The following DLG2 variants were observed in gnomAD, a reference collection of about 807,000 sequenced individuals.
DLG2 encodes the protein disks large homolog 2.
DLG2 carries 45 observed loss-of-function variants against 132.5 expected under a neutral mutation model. That is an observed-to-expected ratio of 0.34 (90% confidence interval 0.27 to 0.44). DLG2 has a LOEUF of 0.44. DLG2 is among the 20% of genes least tolerant of loss of function. The pLI is 1.00. For synonymous variants in DLG2, 424 were observed against 419.6 expected, an observed-to-expected ratio of 1.01 and a Z score of -0.13; for missense variants, 1,045 against 1,196.9, an observed-to-expected ratio of 0.87 and a Z score of 1.87.
chr11:84,551,966 G>T (rs912887742), intron 6 of DLG2, among the ~76,000 whole-genome samples: 2 of 152,086 alleles, frequency 1.3e-5, no homozygotes, highest in Non-Finnish European at 2.9e-5. Flanking sequence ...TCCAGAGTGG[G>T]GTCCATCTAA....
chr11:85,540,874 T>C (rs1358871200), intron 3 of DLG2, among the ~76,000 whole-genome samples: 1 of 152,234 alleles, frequency 6.6e-6, no homozygotes, highest in Non-Finnish European at 1.5e-5. Context: ...CACATCCCTG[T>C]TGCACGCCCT....
chr11:85,085,224 C>G (rs1315657408), intron 6 of DLG2, among the ~76,000 whole-genome samples: 5 of 152,104 alleles, frequency 3.3e-5, no homozygotes, highest in Non-Finnish European at 7.4e-5. Context: ...ACTTGGACTG[C>G]CATCAATCCA....
intron 7 of DLG2, among the ~76,000 whole-genome samples, chr11:84,486,672 G>A (rs775676605): frequency 6.6e-6 from 1 of 152,090 alleles, no homozygotes; most frequent in African/African-American, 2.4e-5. Context: ...AAAGTCCTAT[G>A]AATGTTCTTG....
chr11:84,150,220 C>A (rs1010796833), intron 9 of DLG2, among the ~76,000 whole-genome samples: 1 of 152,158 alleles, frequency 6.6e-6, no homozygotes, highest in Non-Finnish European at 1.5e-5. Context: ...TTGTTTGTGT[C>A]ATCTCTGATT....
intron 7 of DLG2, among the ~76,000 whole-genome samples, chr11:84,390,905 A>G (rs1471570964): frequency 6.6e-6 from 1 of 152,160 alleles, no homozygotes; most frequent in African/African-American, 2.4e-5. Context: ...TCTTGTAATG[A>G]TACCATCTGA....
At position 83,664,414 on chromosome 11, in the gene DLG2, C is replaced by T. The variant is rs117110812; in HGVS notation, c.1826-31089G>A. The stretch of plus-strand genomic sequence containing the variant: ...TGGTAGAGAGTGGGTAGAGCAGAAT[C>T]GTCAAACCTCACTTTTTTTTTTTTT... On this transcript the variant is annotated intron_variant, in intron 18 of 27. Transcript: ENST00000376104. 5.7e-3 allele frequency among the ~76,000 whole-genome samples: 863 copies of T among 150,488 alleles called. 13 individuals carry two copies. The highest frequency in any genetic ancestry group is 0.02 in the Admixed American group (299 of 15,102).
chr11:83,853,914 A>G (rs1171814579), intron 16 of DLG2, among the ~76,000 whole-genome samples: 1 of 152,172 alleles, frequency 6.6e-6, no homozygotes, highest in African/African-American at 2.4e-5. Context: ...TTAAAAGCAT[A>G]CATATTAGGA....
At chr11:84,162,767 C>T (rs1436304232) in intron 9 of DLG2, among the ~76,000 whole-genome samples, 1 of 152,148 alleles carries the variant, frequency 6.6e-6, no homozygotes, top group Non-Finnish European at 1.5e-5. Context: ...AACTTGTTTG[C>T]TCTCATTGTC....
At chr11:84,840,604 A>G (rs753512058) in intron 6 of DLG2, among the ~76,000 whole-genome samples, 1 of 152,166 alleles carries the variant, frequency 6.6e-6, no homozygotes, top group African/African-American at 2.4e-5. Flanking sequence ...ATGTCAATCA[A>G]TAATAGACTG....
chr11:85,254,326 A>T (rs994882372), intron 4 of DLG2, among the ~76,000 whole-genome samples: 3 of 152,286 alleles, frequency 2.0e-5, no homozygotes, highest in African/African-American at 4.8e-5. Flanking sequence ...AGTTTAGAAC[A>T]GGTTACAAAA....
intron 7 of DLG2, among the ~76,000 whole-genome samples, chr11:84,480,174 T>A (rs2099132906): frequency 6.6e-6 from 1 of 152,126 alleles, no homozygotes; most frequent in Non-Finnish European, 1.5e-5. Context: ...GGAAATCTAT[T>A]ATTTTAATTT....
chr11:85,107,798 G>A (rs1451261976), intron 6 of DLG2, among the ~76,000 whole-genome samples: 1 of 151,744 alleles, frequency 6.6e-6, no homozygotes, highest in African/African-American at 2.4e-5. Context: ...CTTTTCACTA[G>A]GGAAGATATT....
At chr11:83,821,200 A>T (rs553353915) in intron 17 of DLG2, among the ~76,000 whole-genome samples, 1 of 152,168 alleles carries the variant, frequency 6.6e-6, no homozygotes, top group Non-Finnish European at 1.5e-5. Context: ...GTTGTTCAGA[A>T]CCTGAGCAGA....
At chr11:84,786,291 C>T (rs1404375689) in intron 6 of DLG2, among the ~76,000 whole-genome samples, 1 of 152,130 alleles carries the variant, frequency 6.6e-6, no homozygotes, top group Non-Finnish European at 1.5e-5. Context: ...CAACTACTCA[C>T]TTGAACACTC....
At chr11:83,818,009 T>C (rs2049564139) in intron 17 of DLG2, among the ~76,000 whole-genome samples, 1 of 152,226 alleles carries the variant, frequency 6.6e-6, no homozygotes, top group Non-Finnish European at 1.5e-5. Context: ...CTCAAACACA[T>C]ACATTCCTAG....
intron 9 of DLG2, among the ~76,000 whole-genome samples, chr11:84,160,021 G>C (rs1167095330): frequency 2.0e-5 from 3 of 152,070 alleles, no homozygotes; most frequent in Admixed American, 6.6e-5. Flanking sequence ...TGAGAAGAGG[G>C]ACTGCAGGGA....
At chr11:84,160,711 A>G (rs1303598417) in intron 9 of DLG2, among the ~76,000 whole-genome samples, 6 of 152,128 alleles carry the variant, frequency 3.9e-5, no homozygotes, top group African/African-American at 1.4e-4. Context: ...GAGAGAGGAG[A>G]TAACTGCAGA....
intron 16 of DLG2, among the ~76,000 whole-genome samples, chr11:83,837,723 C>CAAA (rs386374350): frequency 0.025 from 1,163 of 45,912 alleles, 130 homozygotes; most frequent in South Asian, 0.047. Flanking sequence ...ACATAGCAAG[C>CAAA]AAAAAAAAAA....
At chr11:83,786,938 T>C (rs1046682994) in intron 17 of DLG2, 146 bp from the exon 18 acceptor site, 2 of 623,798 alleles carry the variant, frequency 3.2e-6, no homozygotes, top group Non-Finnish European at 5.6e-6. Context: ...TTTGTGGACT[T>C]TCATGATCTT....
Sources: allele counts gnomAD v4.1 joint callset (sites outside exome capture counted in the v4.1 genomes callset), GRCh38; gene constraint gnomAD v4.1.1; transcripts MANE v1.5; gene names NCBI Gene and HGNC (gene_info 2026-07-23, HGNC 2026-07-21).